The following PPL variants were observed in gnomAD, a reference collection of about 807,000 sequenced individuals.
The protein encoded by PPL is periplakin.
Under a neutral mutation model 194.4 loss-of-function variants are expected in PPL, and 198 were observed. The observed-to-expected ratio is 1.02, with a 90% CI of 0.91 to 1.15. PPL has a LOEUF of 1.15. Among genes scored for constraint, PPL ranks in the 50% most tolerant of loss-of-function variants. The probability of loss-of-function intolerance (pLI) is 0.00; values close to 1 mark genes in which losing one functional copy is unlikely to be tolerated. For missense variants in PPL, 2,885 were observed against 2,294.8 expected (o/e 1.26, Z -5.25); for synonymous variants, 1,220 against 972.4 (o/e 1.25, Z -4.74).
chr16:4,904,227 C>T (rs771044729), intron 2 of PPL, among the ~76,000 whole-genome samples, 187 bp from the exon 3 acceptor site: 1 of 152,220 alleles, frequency 6.6e-6, no homozygotes, highest in Non-Finnish European at 1.5e-5. Context: ...TGGTATTTCT[C>T]AAGTTCACTT....
At chr16:4,912,310 G>T (rs2088834626) in intron 1 of PPL, among the ~76,000 whole-genome samples, 1 of 152,190 alleles carries the variant, frequency 6.6e-6, no homozygotes, top group Non-Finnish European at 1.5e-5. Context: ...CACAACACGT[G>T]GCCTTTTGCG....
In PPL at chr16:4,883,467, G is replaced by A. The variant is rs778399943; in HGVS notation, c.5188C>T (p.Leu1730=). 1.2e-6 allele frequency: 2 copies of A among 1,611,152 alleles called. No homozygotes were observed. Among genetic ancestry groups the A allele is most frequent in the Non-Finnish European group, 1.7e-6 (2 of 1,179,294 alleles). ...SIEEALQSGR[L]TPAQYDRYVN... ...TAGCGGTCATACTGAGCAGGGGTCA[G>A]CCTGCCACTCTGCAGGGCCTCTTCG... Residue 1730 remains leucine (L), a synonymous_variant, in exon 22 of 22, where the codon CTG becomes TTG. Coordinates refer to ENST00000345988, the MANE Select transcript of PPL (RefSeq NM_002705.5). This position sits in a 1 kb window ranked among gnomAD's most constrained non-coding sequence, Gnocchi z 4.8.
At chr16:4,886,456 A>G (rs2088221141) in intron 21 of PPL, among the ~76,000 whole-genome samples, 1 of 152,202 alleles carries the variant, frequency 6.6e-6, no homozygotes, top group South Asian at 2.1e-4. Flanking sequence ...CAGCACAGAG[A>G]GTGCTGCTTC....
At chr16:4,923,603 C>A (rs1358935043) in intron 1 of PPL, among the ~76,000 whole-genome samples, 2 of 152,188 alleles carry the variant, frequency 1.3e-5, no homozygotes, top group Non-Finnish European at 2.9e-5. Flanking sequence ...TTCTACCCTG[C>A]CTGCAGGGGA....
At chr16:4,919,796 G>C (rs1028345504) in intron 1 of PPL, among the ~76,000 whole-genome samples, 3 of 152,156 alleles carry the variant, frequency 2.0e-5, no homozygotes, top group African/African-American at 7.2e-5. Context: ...AGATGTGGTA[G>C]TGTGCACCTG....
chr16:4,917,497 G>A (rs966999581), intron 1 of PPL, among the ~76,000 whole-genome samples: 1 of 152,164 alleles, frequency 6.6e-6, no homozygotes, highest in Non-Finnish European at 1.5e-5. Flanking sequence ...CATGGCCCAG[G>A]AGGATGTAAA....
chr16:4,928,050 A>G (rs1214511965), intron 1 of PPL, among the ~76,000 whole-genome samples: 3 of 152,334 alleles, frequency 2.0e-5, no homozygotes, highest in South Asian at 4.1e-4. Context: ...GAATTCCTAG[A>G]CTCGGGGGAT....
In PPL at chr16:4,906,006, G is replaced by A. The variant is rs78625120; in HGVS notation, c.163-1966C>T. 2.4e-4 allele frequency among the ~76,000 whole-genome samples: 36 copies of A among 152,132 alleles called. No homozygotes were observed. In the East Asian group the frequency reaches 2.5e-3, roughly 11 times the overall value. On this transcript the variant is annotated intron_variant, in intron 2 of 21. Coordinates refer to ENST00000345988, the MANE Select transcript of PPL (RefSeq NM_002705.5). ...ACCTATAGTCCTAGCTACTCAGGAC[G>A]CTGGGGCAGGAGAATCATTTGAGTC...
rs1212454822 is a variant in PPL, at chr16:4,908,117, G to C, written c.162+2733C>G. Among the ~76,000 whole-genome samples the C allele has an allele frequency of 1.4e-4, 19 of 140,270 alleles. No homozygotes were observed. In the Admixed American group the frequency reaches 1.5e-3, roughly 11 times the overall value. 92.0% of individuals were successfully genotyped at this position (140,270 alleles called of 152,430 possible). On this transcript the variant is annotated intron_variant, in intron 2 of 21. Coordinates refer to ENST00000345988, the MANE Select transcript of PPL (RefSeq NM_002705.5). ...GTGGAGGTTGCAGTGAGCCGAGATAGCACCACTGCACTCCAGCCTGGACAA... is the reference window on the plus strand; with the variant it reads ...GTGGAGGTTGCAGTGAGCCGAGATACCACCACTGCACTCCAGCCTGGACAA...
chr16:4,893,426 C>G (rs2088358166), intron 13 of PPL, 56 bp from the exon 14 acceptor site: 1 of 1,593,932 alleles, frequency 6.3e-7, no homozygotes, highest in African/African-American at 1.3e-5. Flanking sequence ...GGTGTGAGGC[C>G]CAGGGATGGA....
chr16:4,899,704 G>C (rs1443603853), intron 6 of PPL, among the ~76,000 whole-genome samples: 2 of 152,156 alleles, frequency 1.3e-5, no homozygotes, highest in Non-Finnish European at 1.5e-5. Flanking sequence ...TGACATTTTT[G>C]TGAAGGCTTA....
Position 4,890,321 on chromosome 16 carries a change from G to T in PPL, c.2176C>A (p.Gln726Lys). 4 of 1,613,570 alleles carry T rather than the reference G, an allele frequency of 2.5e-6. No homozygotes were observed. In the Admixed American group the frequency reaches 5.0e-5, roughly 20 times the overall value. Reference protein sequence around the residue: ...QQVERRAQSLQSAKAAYEHFH... With the variant: ...QQVERRAQSLKSAKAAYEHFH... ...TGCTCGTAGGCTGCCTTGGCGCTCT[G>T]TAGGCTCTGCGCCCTGTCAAGGCAA... The change falls in exon 18 of 22, where the codon CAG (glutamine) becomes AAG (lysine). Residue 726 changes from glutamine (Q) to lysine (K), a missense_variant. Gln to Lys is a moderately conservative substitution (Grantham distance 53, BLOSUM62 1). Transcript: ENST00000345988.
At chr16:4,896,504 C>T (rs1003060438) in intron 9 of PPL, among the ~76,000 whole-genome samples, 1 of 152,150 alleles carries the variant, frequency 6.6e-6, no homozygotes, top group African/African-American at 2.4e-5. Context: ...TGCATGATCC[C>T]ACTGATTCTT....
intron 17 of PPL, 43 bp downstream of exon 17, chr16:4,890,685 A>C: frequency 6.4e-7 from 1 of 1,557,822 alleles, no homozygotes; most frequent in Admixed American, 2.1e-5. Context: ...ATTAGATCGC[A>C]TTCTCAGAAA....
In PPL at chr16:4,895,670, T is replaced by G; in HGVS notation, c.1019A>C (p.Asp340Ala). 1 of 1,613,990 alleles carries G rather than the reference T, an allele frequency of 6.2e-7. No individual in the cohort carries two copies. Among genetic ancestry groups the G allele is most frequent in the East Asian group, 2.2e-5 (1 of 44,882 alleles). ...KDAQELLRKV[D>A]SDLNQKYGPD... ...GCCATACTTCTGGTTCAGGTCCGAG[T>G]CCACCTTGCGCAGCAGCTCCTGAGC... Residue 340 changes from aspartate to alanine, a missense_variant, in exon 10 of 22, where the codon GAC becomes GCC. Asp to Ala is a moderately radical substitution (Grantham distance 126). Coordinates refer to ENST00000345988, the MANE Select transcript of PPL (RefSeq NM_002705.5).
At chr16:4,893,666 C>T (rs1391138797) in intron 12 of PPL, 28 bp from the exon 13 acceptor site, 11 of 1,542,362 alleles carry the variant, frequency 7.1e-6, no homozygotes, top group South Asian at 5.8e-5. Flanking sequence ...AGCTGGGAAC[C>T]TGGGCAGCCC....
chr16:4,885,890 G>C lies in PPL; in HGVS notation c.2765C>G (p.Thr922Ser). ...EVKSTQEEIWTLRNQGPQESV... is the reference protein window; with the variant it reads ...EVKSTQEEIWSLRNQGPQESV... ...TTCCTGAGGCCCCTGATTCCTCAAG[G>C]TCCAGATTTCTTCCTGGGTGCTCTT... The change falls in exon 22 of 22, where the codon ACC (threonine) becomes AGC (serine). Residue 922 changes from threonine (T) to serine (S), a missense_variant. Coordinates refer to ENST00000345988, the MANE Select transcript of PPL (RefSeq NM_002705.5). This position sits in a 1 kb window ranked among gnomAD's most constrained non-coding sequence, Gnocchi z 6.3. 1 of 1,610,266 alleles carries C rather than the reference G, an allele frequency of 6.2e-7. No individual in the cohort carries two copies. The highest frequency in any genetic ancestry group is 8.5e-7 in the Non-Finnish European group (1 of 1,180,004).
chr16:4,919,494 C>T (rs888471748), intron 1 of PPL, among the ~76,000 whole-genome samples: 13 of 152,156 alleles, frequency 8.5e-5, no homozygotes, highest in African/African-American at 2.9e-4. Context: ...GAACTCCTGG[C>T]CTCAAGTGAT....
chr16:4,885,980 G>C lies in PPL; in HGVS notation c.2675C>G (p.Ala892Gly), dbSNP rs746717177. The change falls in exon 22 of 22, where the codon GCG becomes GGG. Residue 892 changes from alanine to glycine, a missense_variant. By Grantham distance (60) the Ala-to-Gly change is moderately conservative. Coordinates refer to ENST00000345988, the MANE Select transcript of PPL (RefSeq NM_002705.5). The surrounding 1 kb of genome is among the most constrained non-coding windows in gnomAD (Gnocchi z 6.3). ...RNRPDSGVEE[A>G]WKIRKELDEE... The stretch of plus-strand genomic sequence containing the variant: ...ATCCAGTTCCTTCCTGATCTTCCAC[G>C]CCTCCTCCACTCCAGAGTCCGGCCT... The C allele has an allele frequency of 6.2e-7, 1 of 1,612,910 alleles. No homozygotes were observed. The highest frequency in any genetic ancestry group is 2.2e-5 in the East Asian group (1 of 44,886).
Sources: gnomAD v4.1 joint callset for allele counts (sites outside exome capture counted in the v4.1 genomes callset) on GRCh38, gnomAD v4.1.1 for gene constraint, Gnocchi (gnomAD v3.1) non-coding constraint, MANE v1.5 for transcripts, NCBI Gene and HGNC (gene_info 2026-07-23, HGNC 2026-07-21) for gene names.